The following DLGAP1 variants were observed in gnomAD, a reference collection of about 807,000 sequenced individuals.
DLGAP1 encodes disks large-associated protein 1.
Under a neutral mutation model 90.8 loss-of-function variants are expected in DLGAP1, and 11 were observed. The observed-to-expected ratio is 0.12, with a 90% CI of 0.08 to 0.20. DLGAP1 has a LOEUF of 0.20. Ranked by LOEUF, DLGAP1 falls within the 10% of genes least tolerant of loss-of-function variation. DLGAP1 has a pLI of 1.00. For missense variants in DLGAP1, 1,050 were observed against 1,333.8 expected, an observed-to-expected ratio of 0.79 and a Z score of 3.31; for synonymous variants, 558 against 540.7, an observed-to-expected ratio of 1.03 and a Z score of -0.44.
At chr18:4,180,360 A>G (rs183185260) in intron 1 of DLGAP1, among the ~76,000 whole-genome samples, 21 of 152,280 alleles carry the variant, frequency 1.4e-4, no homozygotes, top group African/African-American at 4.8e-4. Context: ...TCAGTCCCAA[A>G]CAAAATGGGA....
Position 3,601,836 on chromosome 18 carries a change from C to T in DLGAP1, c.1592-19588G>A, listed in dbSNP as rs532406219. 1.2e-4 allele frequency among the ~76,000 whole-genome samples: 9 copies of T among 74,914 alleles called. No individual in the cohort carries two copies. In the East Asian group the frequency reaches 3.7e-3, roughly 31 times the overall value. 49.1% of individuals were successfully genotyped at this position (74,914 alleles called of 152,430 possible). On this transcript the variant is annotated intron_variant, in intron 7 of 12. Coordinates refer to ENST00000315677, the MANE Select transcript of DLGAP1 (RefSeq NM_004746.4). ...CTCCAGCCTGGGTGACAGAGCGAGA[C>T]TCCATCTCGGAAAAAAAAAAAAATT...
intron 1 of DLGAP1, among the ~76,000 whole-genome samples, chr18:4,164,179 G>T (rs1432551645): frequency 6.6e-6 from 1 of 152,056 alleles, no homozygotes; most frequent in Admixed American, 6.6e-5. Flanking sequence ...TAAAATCAAA[G>T]ATTTAAACAA....
intron 10 of DLGAP1, among the ~76,000 whole-genome samples, chr18:3,528,638 C>T (rs996520102): frequency 6.6e-6 from 1 of 152,196 alleles, no homozygotes. Context: ...TCTAGGCCAT[C>T]GTCAGGGGTA....
Position 3,729,045 on chromosome 18 carries a change from A to C in DLGAP1, c.1591+90T>G. 1 of 1,496,164 alleles carries C rather than the reference A, an allele frequency of 6.7e-7. No individual in the cohort carries two copies. Among genetic ancestry groups the C allele is most frequent in the South Asian group, 1.3e-5 (1 of 75,832 alleles). 92.7% of individuals were successfully genotyped at this position (1,496,164 alleles called of 1,614,324 possible). On this transcript the variant is annotated intron_variant, in intron 7 of 12. Coordinates refer to ENST00000315677, the MANE Select transcript of DLGAP1 (RefSeq NM_004746.4). The surrounding 1 kb of genome is among the most constrained non-coding windows in gnomAD (Gnocchi z 6.2). ...GGGTGGTATCTTGTTCCTGGCAACTATGTGTGTTGACAGCAAGGGCACAGT... is the reference window on the plus strand; with the variant it reads ...GGGTGGTATCTTGTTCCTGGCAACTCTGTGTGTTGACAGCAAGGGCACAGT...
At chr18:3,938,191 T>C (rs961211739) in intron 3 of DLGAP1, among the ~76,000 whole-genome samples, 2 of 152,076 alleles carry the variant, frequency 1.3e-5, no homozygotes, top group African/African-American at 2.4e-5. Flanking sequence ...GGCCCAGTCA[T>C]TGGAAAACAT....
chr18:4,042,251 G>C (rs993485574), intron 2 of DLGAP1, among the ~76,000 whole-genome samples: 2 of 152,172 alleles, frequency 1.3e-5, no homozygotes, highest in Non-Finnish European at 2.9e-5. Flanking sequence ...CATGTTTCAA[G>C]TGTCCTGATT....
intron 5 of DLGAP1, among the ~76,000 whole-genome samples, chr18:3,798,607 C>A (rs774961904): frequency 3.3e-5 from 5 of 152,034 alleles, no homozygotes; most frequent in Non-Finnish European, 7.4e-5. Flanking sequence ...GGTCTCTGAG[C>A]GTATCTGTTT....
At chr18:4,015,297 A>G (rs2074502723) in intron 2 of DLGAP1, among the ~76,000 whole-genome samples, 1 of 152,128 alleles carries the variant, frequency 6.6e-6, no homozygotes, top group Non-Finnish European at 1.5e-5. Context: ...TCTCTAATCA[A>G]TTGGTAGTGA....
At chr18:4,356,120 ACT>A (rs1221169146) in intron 1 of DLGAP1, among the ~76,000 whole-genome samples, 6 of 150,452 alleles carry the variant, frequency 4.0e-5, no homozygotes, top group Non-Finnish European at 7.4e-5. Flanking sequence ...AGTCAGTTGG[ACT>A]CTGTCTTCAG....
chr18:4,390,486 T>C (rs148119234), intron 1 of DLGAP1, among the ~76,000 whole-genome samples: 1 of 152,166 alleles, frequency 6.6e-6, no homozygotes, highest in Non-Finnish European at 1.5e-5. Flanking sequence ...TATAGAATAG[T>C]TCCACTGCCC....
intron 1 of DLGAP1, among the ~76,000 whole-genome samples, chr18:4,161,168 G>T (rs1598511736): frequency 6.6e-6 from 1 of 151,804 alleles, no homozygotes; most frequent in South Asian, 2.1e-4. Context: ...TTGCTGCACA[G>T]ATCAACCCAC....
chr18:3,662,783 C>T (rs1040656134), intron 7 of DLGAP1, among the ~76,000 whole-genome samples: 53 of 152,174 alleles, frequency 3.5e-4, no homozygotes, highest in African/African-American at 1.2e-3. Context: ...TAATGCCTGG[C>T]GTATAGCTGT....
At chr18:4,104,336 T>A (rs2075825584) in intron 2 of DLGAP1, among the ~76,000 whole-genome samples, 1 of 152,194 alleles carries the variant, frequency 6.6e-6, no homozygotes, top group Admixed American at 6.5e-5. Context: ...AATTTTCAGA[T>A]GTGTACAAAA....
chr18:3,545,890 A>C (rs2052984412), intron 9 of DLGAP1, among the ~76,000 whole-genome samples: 1 of 152,220 alleles, frequency 6.6e-6, no homozygotes, highest in African/African-American at 2.4e-5. Flanking sequence ...AATGATAAAG[A>C]GATCAATTCA....
rs1417977198 is a variant in DLGAP1, at chr18:4,108,448, ATC to A, written c.-159+42730_-159+42731del. Reference sequence around the variant, plus strand: ...AAGTCTGTATGTTTTGCTCTTGTTCATCTCTCTTTTGTTATAGGGGTCTCAGC... The same window carrying A: ...AAGTCTGTATGTTTTGCTCTTGTTCATCTCTTTTGTTATAGGGGTCTCAGC... On this transcript the variant is annotated intron_variant, in intron 2 of 12. Coordinates refer to ENST00000315677, the MANE Select transcript of DLGAP1 (RefSeq NM_004746.4). 2.0e-5 allele frequency among the ~76,000 whole-genome samples: 3 copies of A among 152,020 alleles called. No homozygotes were observed. The East Asian group carries it at 5.8e-4, about 29-fold the overall frequency.
chr18:3,717,039 C>CT (rs56981271), intron 7 of DLGAP1, among the ~76,000 whole-genome samples: 3,240 of 113,666 alleles, frequency 0.029, 80 homozygotes, highest in African/African-American at 0.064. Context: ...GTGAGTTTGC[C>CT]TTTTTTTTTT....
At position 4,377,132 on chromosome 18, in the gene DLGAP1, T is replaced by TCA. The variant is rs370343834; in HGVS notation, c.-267+77872_-267+77873dup. ...AGTCACTGTTATGCATTTCCCATTCTCACACACACACATACACGCTTGCAC... is the reference window on the plus strand; with the variant it reads ...AGTCACTGTTATGCATTTCCCATTCTCACACACACACACATACACGCTTGCAC... On this transcript the variant is annotated intron_variant, in intron 1 of 12. Coordinates refer to ENST00000315677, the MANE Select transcript of DLGAP1 (RefSeq NM_004746.4). Among the ~76,000 whole-genome samples the TCA allele has an allele frequency of 1.3e-3, 197 of 152,078 alleles. 1 individual carries two copies. The highest frequency in any genetic ancestry group is 4.6e-3 in the African/African-American group (192 of 41,506).
At chr18:4,261,312 T>C (rs1443638347) in intron 1 of DLGAP1, among the ~76,000 whole-genome samples, 1 of 150,054 alleles carries the variant, frequency 6.7e-6, no homozygotes, top group Non-Finnish European at 1.5e-5. Flanking sequence ...CACGCAGCAC[T>C]CACAGCCTCC....
At chr18:4,241,161 T>A (rs893604998) in intron 1 of DLGAP1, among the ~76,000 whole-genome samples, 3 of 152,202 alleles carry the variant, frequency 2.0e-5, no homozygotes, top group Non-Finnish European at 2.9e-5. Context: ...TGACTGGTTA[T>A]GTCTGTTAGA....
Sources: gnomAD v4.1 joint callset for allele counts (sites outside exome capture counted in the v4.1 genomes callset) on GRCh38, gnomAD v4.1.1 for gene constraint, Gnocchi (gnomAD v3.1) non-coding constraint, MANE v1.5 for transcripts, NCBI Gene and HGNC (gene_info 2026-07-23, HGNC 2026-07-21) for gene names.